CASK: variants seen among roughly 807,000 people sequenced by gnomAD.
CASK encodes peripheral plasma membrane protein CASK.
CASK carries 4 observed loss-of-function variants against 82.9 expected under a neutral mutation model. That is an observed-to-expected ratio of 0.05 (90% CI 0.02 to 0.11). CASK has a LOEUF of 0.11. Ranked by LOEUF, CASK falls within the 10% of genes least tolerant of loss-of-function variation. The pLI is 1.00. For missense variants in CASK, 358 were observed against 720.9 expected, an observed-to-expected ratio of 0.50 and a Z score of 5.76; for synonymous variants, 259 against 253.5, an observed-to-expected ratio of 1.02 and a Z score of -0.20.
chrX:41,742,153 G>A (rs949057424), intron 4 of CASK, among the ~76,000 whole-genome samples: 1 of 111,856 alleles, frequency 8.9e-6, no homozygotes, highest in African/African-American at 3.3e-5. Flanking sequence ...AGTAGAACAC[G>A]GGATCTCTGA....
intron 1 of CASK, among the ~76,000 whole-genome samples, chrX:41,854,222 G>GCACACACACACACA (rs1195147772): frequency 2.4e-5 from 2 of 83,459 alleles, no homozygotes; most frequent in Non-Finnish European, 4.6e-5. Context: ...GCGCGGGCGC[G>GCACACACACACACA]CGCACACACA....
At chrX:41,573,130 G>A (rs746172008) in intron 15 of CASK, among the ~76,000 whole-genome samples, 5 of 98,552 alleles carry the variant, frequency 5.1e-5, no homozygotes, top group African/African-American at 1.5e-4. Flanking sequence ...GCTGGAGTGC[G>A]GTGGCATGAT....
chrX:41,775,666 A>C (rs1457408214), intron 3 of CASK, among the ~76,000 whole-genome samples: 1 of 106,244 alleles, frequency 9.4e-6, no homozygotes, highest in African/African-American at 3.4e-5. Context: ...CTGGATTAAG[A>C]AAATGTGGCA....
At position 41,553,952 on chromosome X, in the gene CASK, T is replaced by C. The variant is rs752860843; in HGVS notation, c.1843-37A>G. ...GAGTTCGTAAGAAAGGATGCCATAG[T>C]GATGTGAAAGAGAAGTTAGCTCTAA... On this transcript the variant is annotated intron_variant, in intron 20 of 26. Coordinates refer to ENST00000378163, the MANE Select transcript of CASK (RefSeq NM_001367721.1). The C allele has an allele frequency of 1.5e-5, 15 of 1,012,904 alleles. No individual in the cohort carries two copies. In the Admixed American group the frequency reaches 2.7e-4, roughly 18 times the overall value. 83.5% of individuals were successfully genotyped at this position (1,012,904 alleles called of 1,213,427 possible).
intron 5 of CASK, among the ~76,000 whole-genome samples, chrX:41,687,562 G>A (rs1032397760): frequency 9.0e-6 from 1 of 111,605 alleles, no homozygotes; most frequent in East Asian, 2.8e-4. Flanking sequence ...GAGAGAAATC[G>A]TTTAGTGGTG....
At chrX:41,560,815 C>CG (rs1203815264) in intron 17 of CASK, among the ~76,000 whole-genome samples, 26 of 108,265 alleles carry the variant, frequency 2.4e-4, no homozygotes, top group African/African-American at 8.7e-4. Flanking sequence ...CCCTTGAACT[C>CG]GGGGGGCAGA....
chrX:41,831,729 C>T (rs190617200), intron 2 of CASK, among the ~76,000 whole-genome samples: 5 of 111,956 alleles, frequency 4.5e-5, no homozygotes, highest in Non-Finnish European at 9.4e-5. Context: ...GAGGCCGAGG[C>T]GGGCTGATCA....
rs983573166 is a variant in CASK, at chrX:41,750,225, C to T, written c.279-4624G>A. The stretch of plus-strand genomic sequence containing the variant: ...GATATAGAAATAAAAACTAAAAATA[C>T]TGTTATTTATGCAAATTTTATTCAA... On this transcript the variant is annotated intron_variant, in intron 3 of 26. Coordinates refer to ENST00000378163, the MANE Select transcript of CASK (RefSeq NM_001367721.1). 2.5e-4 allele frequency among the ~76,000 whole-genome samples: 28 copies of T among 112,140 alleles called. No individual in the cohort carries two copies. The Admixed American group carries it at 2.6e-3, about 10-fold the overall frequency.
At position 41,900,626 on chromosome X, in the gene CASK, T is replaced by C. The variant is rs759853452; in HGVS notation, c.59+22304A>G. Among the ~76,000 whole-genome samples, 59 of 102,033 alleles carry C rather than the reference T, an allele frequency of 5.8e-4. 1 individual carries two copies. Among genetic ancestry groups the C allele is most frequent in the African/African-American group, 1.8e-3 (52 of 28,491 alleles). The allele number at this position is 102,033 out of a possible 115,157, so 88.6% of individuals were successfully genotyped here. ...TTTTTTTTTTTTTTTTGAGGTTTCC[T>C]TGTTGAACTTCTCATATTGTTTGTG... is the stretch of plus-strand genomic sequence containing the variant. On this transcript the variant is annotated intron_variant, in intron 1 of 26. Transcript: ENST00000378163.
chrX:41,636,499 T>A, intron 9 of CASK, 79 bp downstream of exon 9: 1 of 648,272 alleles, frequency 1.5e-6, no homozygotes, highest in East Asian at 3.3e-5. Context: ...TTAGTACATA[T>A]TTATGGGCAC....
At chrX:41,886,098 T>TA (rs1204993773) in intron 1 of CASK, among the ~76,000 whole-genome samples, 1 of 111,878 alleles carries the variant, frequency 8.9e-6, no homozygotes, top group African/African-American at 3.2e-5. Context: ...CTGTTGCTGT[T>TA]ACAATAGTGA....
At chrX:41,554,722 T>G (rs2065140232) in intron 20 of CASK, among the ~76,000 whole-genome samples, 1 of 111,853 alleles carries the variant, frequency 8.9e-6, no homozygotes, top group Non-Finnish European at 1.9e-5. Context: ...TTAAATGCTT[T>G]AAGATAAGGT....
At position 41,520,269 on chromosome X, in the gene CASK, T is replaced by C. The variant is rs1569280568; in HGVS notation, c.*151A>G. 1 of 426,349 alleles carries C rather than the reference T, an allele frequency of 2.3e-6. No homozygotes were observed. Among genetic ancestry groups the C allele is most frequent in the East Asian group, 3.7e-5 (1 of 26,837 alleles). 35.1% of individuals were successfully genotyped at this position (426,349 alleles called of 1,213,427 possible). On this transcript the variant is annotated 3_prime_UTR_variant, in exon 27 of 27. Coordinates refer to ENST00000378163, the MANE Select transcript of CASK (RefSeq NM_001367721.1). ...GTGTGTAATTGTTTTTCTCCTCCTA[T>C]CTATTCGGACATGACAATAATTATA... is the stretch of plus-strand genomic sequence containing the variant.
At chrX:41,852,440 T>A (rs1392040811) in intron 2 of CASK, among the ~76,000 whole-genome samples, 1 of 111,780 alleles carries the variant, frequency 8.9e-6, no homozygotes, top group African/African-American at 3.2e-5. Context: ...AGTATCATGA[T>A]CAATTGTGCC....
At chrX:41,833,851 C>T (rs1242626918) in intron 2 of CASK, among the ~76,000 whole-genome samples, 4 of 111,560 alleles carry the variant, frequency 3.6e-5, no homozygotes, top group South Asian at 3.8e-4. Context: ...TGGGCTCAGG[C>T]GATCCTCCCA....
At chrX:41,669,371 T>C (rs934411110) in intron 6 of CASK, among the ~76,000 whole-genome samples, 6 of 110,974 alleles carry the variant, frequency 5.4e-5, no homozygotes, top group African/African-American at 1.6e-4. Flanking sequence ...ATGCATCTAT[T>C]TTCCCCCCCA....
At chrX:41,851,269 G>A (rs1280409289) in intron 2 of CASK, among the ~76,000 whole-genome samples, 1 of 111,766 alleles carries the variant, frequency 8.9e-6, no homozygotes, top group African/African-American at 3.3e-5. Flanking sequence ...AGAATGGGTG[G>A]CTTTGTCTTC....
intron 5 of CASK, chrX:41,727,093 A>G: frequency 2.6e-6 from 3 of 1,169,265 alleles, no homozygotes; most frequent in Non-Finnish European, 3.5e-6. Context: ...AATCATTTAC[A>G]TCCTCCTTTG....
chrX:41,806,656 G>GA, intron 2 of CASK, among the ~76,000 whole-genome samples: 1 of 111,656 alleles, frequency 9.0e-6, no homozygotes, highest in South Asian at 3.7e-4. Context: ...GCTTTAAAAA[G>GA]AAAAAAGGAC....
Sources: allele counts gnomAD v4.1 joint callset (sites outside exome capture counted in the v4.1 genomes callset), GRCh38; gene constraint gnomAD v4.1.1; transcripts MANE v1.5; gene names NCBI Gene and HGNC (gene_info 2026-07-23, HGNC 2026-07-21).